The following NFAT5 variants were observed in gnomAD, a reference collection of about 807,000 sequenced individuals.
The protein encoded by NFAT5 is nuclear factor of activated T cells 5.
NFAT5 carries 31 observed loss-of-function variants against 166.5 expected under a neutral mutation model. The observed-to-expected ratio is 0.19, with a 90% CI of 0.14 to 0.25. The LOEUF is 0.25. Ranked by LOEUF, NFAT5 falls within the 10% of genes least tolerant of loss-of-function variation. NFAT5 has a pLI of 1.00. For missense variants in NFAT5, 1,449 were observed against 1,821.8 expected, an observed-to-expected ratio of 0.80 and a Z score of 3.72; for synonymous variants, 612 against 639.7, an observed-to-expected ratio of 0.96 and a Z score of 0.65.
At position 69,606,931 on chromosome 16, in the gene NFAT5, C is replaced by T. The variant is rs968680278; in HGVS notation, c.128-19472C>T. ...CACCTTGAAATGGGCATGAGGTATT[C>T]ATCAGATTGCCTTTGGAATAAAAGA... On this transcript the variant is annotated intron_variant, in intron 2 of 14. Transcript: ENST00000349945. 3.3e-5 allele frequency among the ~76,000 whole-genome samples: 5 copies of T among 152,274 alleles called. 1 individual carries two copies. Among genetic ancestry groups the T allele is most frequent in the Middle Eastern group, 6.8e-3 (2 of 294 alleles).
intron 2 of NFAT5, among the ~76,000 whole-genome samples, chr16:69,616,573 C>G (rs2033953920): frequency 6.6e-6 from 1 of 152,132 alleles, no homozygotes; most frequent in Non-Finnish European, 1.5e-5. Context: ...GGCAGACCCC[C>G]TGTGCATCAG....
intron 2 of NFAT5, among the ~76,000 whole-genome samples, chr16:69,583,216 G>A (rs917896428): frequency 6.6e-6 from 1 of 151,330 alleles, no homozygotes; most frequent in African/African-American, 2.4e-5. Flanking sequence ...TGTTTTTAAG[G>A]GATGGGGTCT....
intron 6 of NFAT5, among the ~76,000 whole-genome samples, chr16:69,658,258 A>G (rs1160652148): frequency 6.6e-6 from 1 of 151,992 alleles, no homozygotes; most frequent in East Asian, 1.9e-4. Context: ...TGAGGCATGC[A>G]GATCATCTGA....
chr16:69,641,671 G>T (rs1170896543), intron 3 of NFAT5, among the ~76,000 whole-genome samples: 2 of 152,026 alleles, frequency 1.3e-5, no homozygotes, highest in Non-Finnish European at 2.9e-5. Context: ...GATATTTTAA[G>T]CACTAATATA....
chr16:69,667,074 A>G (rs2036414410), intron 7 of NFAT5, among the ~76,000 whole-genome samples: 1 of 151,420 alleles, frequency 6.6e-6, no homozygotes, highest in Non-Finnish European at 1.5e-5. Context: ...TCGCAAGAAC[A>G]AAAAACCAAA....
Position 69,566,193 on chromosome 16 carries a change from C to G in NFAT5, c.-109C>G. Reference sequence around the variant, plus strand: ...CGAGGAGGAGGCAGCGGCAGCCGCCCTCGCGTCGCCGCCCCCGGTTCGGTG... The same window carrying G: ...CGAGGAGGAGGCAGCGGCAGCCGCCGTCGCGTCGCCGCCCCCGGTTCGGTG... On this transcript the variant is annotated 5_prime_UTR_variant, in exon 1 of 15. Coordinates refer to ENST00000349945, the MANE Select transcript of NFAT5 (RefSeq NM_138713.4). This position sits in a 1 kb window ranked among gnomAD's most constrained non-coding sequence, Gnocchi z 5.7. 2.1e-6 allele frequency: 2 copies of G among 932,654 alleles called. No individual in the cohort carries two copies. The highest frequency in any genetic ancestry group is 1.6e-6 in the Non-Finnish European group (1 of 622,306). 57.8% of individuals were successfully genotyped at this position (932,654 alleles called of 1,614,324 possible).
chr16:69,582,163 G>A lies in NFAT5; in HGVS notation c.127+13615G>A, dbSNP rs553163264. ...GCTTGTAATCCCAGCTGCTCAGGAG[G>A]CTGAGGCAGGAGAATTGTTTGAACC... On this transcript the variant is annotated intron_variant, in intron 2 of 14. Transcript: ENST00000349945. 2.6e-5 allele frequency among the ~76,000 whole-genome samples: 4 copies of A among 152,270 alleles called. No homozygotes were observed. In the South Asian group the frequency reaches 8.3e-4, roughly 32 times the overall value.
rs576757795 is a variant in NFAT5 at position 69,570,633 on chromosome 16, A to G, written c.127+2085A>G. On this transcript the variant is annotated intron_variant, in intron 2 of 14. Transcript: ENST00000349945. ...AATTACTCTGTATAGTTTATAAACT[A>G]TTTCTTGGAATATTCTAGTTTATTT... 9.2e-5 allele frequency among the ~76,000 whole-genome samples: 14 copies of G among 152,154 alleles called. No homozygotes were observed. The East Asian group carries it at 2.7e-3, about 29-fold the overall frequency.
chr16:69,695,102 A>C, intron 13 of NFAT5, 34 bp from the exon 14 acceptor site: 1 of 1,475,082 alleles, frequency 6.8e-7, no homozygotes, highest in Non-Finnish European at 9.5e-7. Flanking sequence ...GACTGTAGTC[A>C]GCTTTTAAGC....
At chr16:69,581,323 G>T (rs1477627771) in intron 2 of NFAT5, among the ~76,000 whole-genome samples, 2 of 152,100 alleles carry the variant, frequency 1.3e-5, no homozygotes, top group African/African-American at 4.8e-5. Context: ...ATCACATTTT[G>T]TTTATCTATT....
In NFAT5 at chr16:69,694,006, T is replaced by TA; in HGVS notation, c.4182dup (p.Ser1395IlefsTer78). 6.2e-7 allele frequency: 1 copy of TA among 1,614,230 alleles called. No individual in the cohort carries two copies. Among genetic ancestry groups the TA allele is most frequent in the Non-Finnish European group, 8.5e-7 (1 of 1,180,040 alleles). On this transcript the variant is annotated frameshift_variant, in exon 13 of 15. Coordinates refer to ENST00000349945, the MANE Select transcript of NFAT5 (RefSeq NM_138713.4). LOFTEE classifies it high-confidence loss of function. ...CAAGAGCAGCAAGTAACTCTCTTCT[T>TA]ATCTCCAGCATCCATGTCTGCCTTG...
chr16:69,606,206 A>C (rs540963364), intron 2 of NFAT5, among the ~76,000 whole-genome samples: 31 of 152,296 alleles, frequency 2.0e-4, no homozygotes, highest in Admixed American at 7.8e-4. Context: ...TCTTCAGGAA[A>C]GACTCATTTT....
chr16:69,666,551 G>GA lies in NFAT5; in HGVS notation c.1370-3418dup, dbSNP rs1391296982. Among the ~76,000 whole-genome samples, 22 of 151,842 alleles carry GA rather than the reference G, an allele frequency of 1.4e-4. 2 individuals carry two copies. The highest frequency in any genetic ancestry group is 3.9e-4 in the Admixed American group (6 of 15,220). On this transcript the variant is annotated intron_variant, in intron 7 of 14. Transcript: ENST00000349945. ...TTCTCAAAAGAAGACATTTATGCAG[G>GA]AAAAAAAACACATGAAAAAATGCTC...
intron 2 of NFAT5, among the ~76,000 whole-genome samples, chr16:69,610,154 T>A (rs1267915429): frequency 6.6e-6 from 1 of 152,110 alleles, no homozygotes; most frequent in Non-Finnish European, 1.5e-5. Context: ...GACCCTGAGA[T>A]ATGAAAAGTG....
In NFAT5 at chr16:69,647,498, A is replaced by G. The variant is rs1004784148; in HGVS notation, c.724A>G (p.Ile242Val). ...AGATTGTGAAGAATCTAATATGGAT[A>G]TATTTGATGCCGACAGTGCCAAAGC... Reference protein sequence around the residue: ...RRDCEESNMDIFDADSAKAPH... With the variant: ...RRDCEESNMDVFDADSAKAPH... Residue 242 changes from isoleucine (I) to valine (V), a missense_variant, in exon 4 of 15, where the codon ATA (isoleucine) becomes GTA (valine). Around this residue, in one of 7 missense-constraint regions of NFAT5, gnomAD observed 115 missense variants for 177.1 expected, o/e 0.65. Transcript: ENST00000349945. The surrounding 1 kb of genome is among the most constrained non-coding windows in gnomAD (Gnocchi z 4.8). 4 of 1,611,346 alleles carry G rather than the reference A, an allele frequency of 2.5e-6. No individual in the cohort carries two copies. Among genetic ancestry groups the G allele is most frequent in the Non-Finnish European group, 3.4e-6 (4 of 1,180,014 alleles).
intron 10 of NFAT5, among the ~76,000 whole-genome samples, chr16:69,678,818 G>T (rs1323023587): frequency 6.6e-6 from 1 of 152,178 alleles, no homozygotes; most frequent in Admixed American, 6.5e-5. Flanking sequence ...GGTAAAGAAT[G>T]GGGCAAAGAA....
At chr16:69,580,739 T>C (rs1216697251) in intron 2 of NFAT5, among the ~76,000 whole-genome samples, 1 of 152,114 alleles carries the variant, frequency 6.6e-6, no homozygotes, top group Non-Finnish European at 1.5e-5. Flanking sequence ...CGCTGCAAGC[T>C]CTGCCTCCCA....
chr16:69,656,771 A>G (rs948335847), intron 6 of NFAT5, among the ~76,000 whole-genome samples: 10 of 152,132 alleles, frequency 6.6e-5, no homozygotes, highest in Non-Finnish European at 1.3e-4. Context: ...TTCAGCAGAG[A>G]CTATGAAGTG....
At chr16:69,661,845 A>C (rs973023200) in intron 7 of NFAT5, among the ~76,000 whole-genome samples, 2 of 152,200 alleles carry the variant, frequency 1.3e-5, no homozygotes, top group Non-Finnish European at 2.9e-5. Flanking sequence ...AGGAGCTTAC[A>C]GTTTAGCAGG....
Sources: gnomAD v4.1 joint callset for allele counts (sites outside exome capture counted in the v4.1 genomes callset) on GRCh38, gnomAD v4.1.1 for gene constraint, gnomAD v4.1.1 regional missense constraint, Gnocchi (gnomAD v3.1) non-coding constraint, MANE v1.5 for transcripts, NCBI Gene and HGNC (gene_info 2026-07-23, HGNC 2026-07-21) for gene names.